Variants in SIRT7 observed in about 807,000 individuals in gnomAD.
The protein encoded by SIRT7 is NAD-dependent protein deacetylase sirtuin-7.
SIRT7 carries 32 observed loss-of-function variants against 42.8 expected under a neutral mutation model. The ratio of observed to expected loss-of-function variants is 0.75; its 90% CI spans 0.56 to 1.00. The LOEUF is 1.00. Among genes scored for constraint, SIRT7 ranks in the 50% least tolerant of loss-of-function variants. SIRT7 has a pLI of 0.00. For missense variants in SIRT7, 553 were observed against 572.2 expected, an observed-to-expected ratio of 0.97 and a Z score of 0.34; for synonymous variants, 297 against 245.2, an observed-to-expected ratio of 1.21 and a Z score of -1.97.
rs765183412 is a variant in SIRT7 at position 81,913,494 on chromosome 17, C to T, written c.1004+280G>A. 8 of 464,988 alleles carry T rather than the reference C, an allele frequency of 1.7e-5. No individual in the cohort carries two copies. Among genetic ancestry groups the T allele is most frequent in the Admixed American group, 3.3e-5 (1 of 30,542 alleles). 28.8% of individuals were successfully genotyped at this position (464,988 alleles called of 1,614,324 possible). A position where few individuals can be genotyped will look rare whatever the true frequency, so the allele number is the denominator to read the frequency against. ...TCCAGATGCTTCCCACCAGGCATCT[C>T]GGAGAGCTCCACGGGGAGGCCTGGA... On this transcript the variant is annotated intron_variant, in intron 9 of 9. Coordinates refer to ENST00000328666, the MANE Select transcript of SIRT7 (RefSeq NM_016538.3). The surrounding 1 kb of genome is among the most constrained non-coding windows in gnomAD (Gnocchi z 5.0).
Position 81,915,662 on chromosome 17 carries a change from T to C in SIRT7, c.356A>G (p.Tyr119Cys). Residue 119 changes from tyrosine to cysteine, a missense_variant, in exon 4 of 10, where the codon TAC (tyrosine) becomes TGC (cysteine). Physicochemically the swap from Tyr to Cys is radical, Grantham distance 194. Transcript: ENST00000328666. ...GISTAASIPD[Y>C]RGPNGVWTLL... The stretch of plus-strand genomic sequence containing the variant: ...TGTCCACACTCCATTAGGGCCCCGG[T>C]AGTCTGGGATAGACGCTGCCTGCAT... 6.2e-7 allele frequency: 1 copy of C among 1,613,876 alleles called. No homozygotes were observed. Among genetic ancestry groups the C allele is most frequent in the Non-Finnish European group, 8.5e-7 (1 of 1,179,978 alleles).
In SIRT7 at chr17:81,911,947, A is replaced by G. The variant is rs2040665155; in HGVS notation, c.*469T>C. On this transcript the variant is annotated 3_prime_UTR_variant, in exon 10 of 10. Transcript: ENST00000328666. ...ACTCGGGGACACCGGAAGCCAGTGC[A>G]GAAACGTTTAATAGAAATAAAAAGG... 5.8e-6 allele frequency: 1 copy of G among 172,214 alleles called. No homozygotes were observed. The highest frequency in any genetic ancestry group is 2.4e-5 in the African/African-American group (1 of 41,546). 10.7% of individuals were successfully genotyped at this position (172,214 alleles called of 1,614,324 possible).
At position 81,912,396 on chromosome 17, in the gene SIRT7, GTTC is replaced by G. The variant is rs749929943; in HGVS notation, c.*17_*19del. Reference sequence around the variant, plus strand: ...ACTGGCCATCTGCAAAGTGCCAACTGTTCTTCATCGAGCACGTGATTACGTCAC... The same window carrying G: ...ACTGGCCATCTGCAAAGTGCCAACTGTTCATCGAGCACGTGATTACGTCAC... On this transcript the variant is annotated 3_prime_UTR_variant, in exon 10 of 10. Coordinates refer to ENST00000328666, the MANE Select transcript of SIRT7 (RefSeq NM_016538.3). 2.7e-5 allele frequency: 44 copies of G among 1,613,958 alleles called. No homozygotes were observed. Among genetic ancestry groups the G allele is most frequent in the African/African-American group, 4.0e-5 (3 of 74,958 alleles).
chr17:81,917,938 C>T lies in SIRT7; in HGVS notation c.123G>A (p.Ala41=), dbSNP rs1028257894. 5.8e-6 allele frequency: 8 copies of T among 1,388,578 alleles called. No homozygotes were observed. The African/African-American group carries it at 9.0e-5, about 16-fold the overall frequency. 86.0% of individuals were successfully genotyped at this position (1,388,578 alleles called of 1,614,324 possible). ...QVSRILRKAA[A]ERSAEEGRLL... is the part of the protein sequence containing the mutation. The stretch of plus-strand genomic sequence containing the variant: ...GCCGGCCCTCCTCGGCGCTGCGCTC[C>T]GCCGCCGCCTTCCTCAGGATGCGCG... The change falls in exon 2 of 10, where the codon GCG becomes GCA. Residue 41 remains alanine, a synonymous_variant. Coordinates refer to ENST00000328666, the MANE Select transcript of SIRT7 (RefSeq NM_016538.3).
intron 3 of SIRT7, 176 bp from the exon 4 acceptor site, chr17:81,915,857 T>C: frequency 1.5e-6 from 1 of 680,626 alleles, no homozygotes; most frequent in Non-Finnish European, 2.6e-6. Flanking sequence ...GTACCCCAAT[T>C]CGGCTCCTCC....
rs1280185946 is a variant in SIRT7, at chr17:81,917,944, C to T, written c.117G>A (p.Ala39=). 1.4e-6 allele frequency: 2 copies of T among 1,382,654 alleles called. No individual in the cohort carries two copies. Among genetic ancestry groups the T allele is most frequent in the Non-Finnish European group, 1.9e-6 (2 of 1,070,296 alleles). 85.6% of individuals were successfully genotyped at this position (1,382,654 alleles called of 1,614,324 possible). Reference sequence around the variant, plus strand: ...CCTCCTCGGCGCTGCGCTCCGCCGCCGCCTTCCTCAGGATGCGCGACACCT... The same window carrying T: ...CCTCCTCGGCGCTGCGCTCCGCCGCTGCCTTCCTCAGGATGCGCGACACCT... ...LRQVSRILRK[A]AAERSAEEGR... is the part of the protein sequence containing the mutation. The change falls in exon 2 of 10, where the codon GCG becomes GCA. Residue 39 remains alanine (A), a synonymous_variant. Transcript: ENST00000328666.
Position 81,912,331 on chromosome 17 carries a change from C to T in SIRT7, c.*85G>A. On this transcript the variant is annotated 3_prime_UTR_variant, in exon 10 of 10. Transcript: ENST00000328666. Reference sequence around the variant, plus strand: ...AAATGTCATCCCCAAAGAGTTCGTTCTCCCTAGACCCGTGGGGGCAACCCA... The same window carrying T: ...AAATGTCATCCCCAAAGAGTTCGTTTTCCCTAGACCCGTGGGGGCAACCCA... 6.6e-7 allele frequency: 1 copy of T among 1,524,846 alleles called. No homozygotes were observed. The highest frequency in any genetic ancestry group is 9.1e-7 in the Non-Finnish European group (1 of 1,100,956). 94.5% of individuals were successfully genotyped at this position (1,524,846 alleles called of 1,614,324 possible). A position where few individuals can be genotyped will look rare whatever the true frequency, so the allele number is the denominator to read the frequency against.
chr17:81,917,675 CA>C lies in SIRT7; in HGVS notation c.275del (p.Leu92ArgfsTer49). On this transcript the variant is annotated frameshift_variant, in exon 3 of 10. Coordinates refer to ENST00000328666, the MANE Select transcript of SIRT7 (RefSeq NM_016538.3). LOFTEE classifies it high-confidence loss of function. ...ATTTGGCGTTCCGGACGGCGCTGGC[CA>C]GCTCCCGGACCTTCCCCCGCAGCTC... ...PEELRGKVRE[L>X]ASAVRNAKYL... 6.2e-7 allele frequency: 1 copy of C among 1,607,748 alleles called. No individual in the cohort carries two copies. The highest frequency in any genetic ancestry group is 1.1e-5 in the South Asian group (1 of 90,026).
At position 81,917,734 on chromosome 17, in the gene SIRT7, G is replaced by T; in HGVS notation, c.232-15C>A. On this transcript the variant is annotated splice_polypyrimidine_tract_variant and intron_variant, in intron 2 of 9. Transcript: ENST00000328666. ...TCGTCGCACACCTGCCAAGACGCCA[G>T]GGTGGTCACCGCCCCGGGCCGCCCC... 1 of 1,555,266 alleles carries T rather than the reference G, an allele frequency of 6.4e-7. No homozygotes were observed. Among genetic ancestry groups the T allele is most frequent in the Non-Finnish European group, 8.7e-7 (1 of 1,152,962 alleles).
chr17:81,912,697 G>A (rs772653671), intron 9 of SIRT7, 83 bp from the exon 10 acceptor site: 84 of 1,428,086 alleles, frequency 5.9e-5, no homozygotes, highest in Non-Finnish European at 7.4e-5. Flanking sequence ...AGCTGTCTGC[G>A]GTCCCTGCCT....
rs181753998 is a variant in SIRT7 at position 81,913,127 on chromosome 17, G to A, written c.1005-513C>T. 8.0e-6 allele frequency: 3 copies of A among 372,782 alleles called. No homozygotes were observed. The highest frequency in any genetic ancestry group is 7.3e-5 in the East Asian group (1 of 13,634). The allele number at this position is 372,782 out of a possible 1,614,324, so 23.1% of individuals were successfully genotyped here. On this transcript the variant is annotated intron_variant, in intron 9 of 9. Coordinates refer to ENST00000328666, the MANE Select transcript of SIRT7 (RefSeq NM_016538.3). This position sits in a 1 kb window ranked among gnomAD's most constrained non-coding sequence, Gnocchi z 5.0. ...TTAAGATACAGATACGCACTGATAA[G>A]GAAAATGAGCTAAGTTAATGTAAAA... is the stretch of plus-strand genomic sequence containing the variant.
rs1233178927 is a variant in SIRT7, at chr17:81,912,159, T to C, written c.*257A>G. 1 of 549,964 alleles carries C rather than the reference T, an allele frequency of 1.8e-6. No individual in the cohort carries two copies. The highest frequency in any genetic ancestry group is 3.3e-6 in the Non-Finnish European group (1 of 307,632). 34.1% of individuals were successfully genotyped at this position (549,964 alleles called of 1,614,324 possible). On this transcript the variant is annotated 3_prime_UTR_variant, in exon 10 of 10. Transcript: ENST00000328666. ...CAGGCCGGGGCTGAAATAACCCGAG[T>C]TCCGTTCTCACAGAAAGGTGCGGCT...
At position 81,912,625 on chromosome 17, in the gene SIRT7, G is replaced by A. The variant is rs982244545; in HGVS notation, c.1005-11C>T. ...ATGGGATCCTGCCACCTGCCAAAAA[G>A]GGAAAGCGGCATCAGGCGGGCCTGG... On this transcript the variant is annotated splice_polypyrimidine_tract_variant and intron_variant, in intron 9 of 9. Coordinates refer to ENST00000328666, the MANE Select transcript of SIRT7 (RefSeq NM_016538.3). The A allele has an allele frequency of 1.9e-6, 3 of 1,611,392 alleles. No homozygotes were observed. The highest frequency in any genetic ancestry group is 1.7e-5 in the Admixed American group (1 of 59,606).
intron 3 of SIRT7, 67 bp from the exon 4 acceptor site, chr17:81,915,748 G>A (rs1409793801): frequency 1.9e-5 from 30 of 1,550,616 alleles, no homozygotes; most frequent in Non-Finnish European, 2.5e-5. Context: ...AGAATTCCCA[G>A]AAACGGAAAG....
At chr17:81,917,994 G>A in intron 1 of SIRT7, 27 bp from the exon 2 acceptor site, 3 of 1,338,022 alleles carry the variant, frequency 2.2e-6, no homozygotes, top group South Asian at 2.0e-5. Flanking sequence ...GGTGAGCGGC[G>A]GCGCGGGCCG....
intron 5 of SIRT7, 120 bp from the exon 6 acceptor site, chr17:81,914,822 C>A (rs968458473): frequency 2.6e-6 from 2 of 760,490 alleles, no homozygotes; most frequent in African/African-American, 3.4e-5. Context: ...CCAGGGGCAG[C>A]TCCGTCCCCC....
In SIRT7 at chr17:81,912,121, C is replaced by T; in HGVS notation, c.*295G>A. The stretch of plus-strand genomic sequence containing the variant: ...TGGTGAGCGAGGAAAGGCCGCTGGG[C>T]GCTTCCACTCTGCAGGCCGGGGCTG... On this transcript the variant is annotated 3_prime_UTR_variant, in exon 10 of 10. Transcript: ENST00000328666. 2 of 477,046 alleles carry T rather than the reference C, an allele frequency of 4.2e-6. No individual in the cohort carries two copies. The highest frequency in any genetic ancestry group is 2.1e-5 in the South Asian group (1 of 46,720). The allele number at this position is 477,046 out of a possible 1,614,324, so 29.6% of individuals were successfully genotyped here.
Position 81,914,537 on chromosome 17 carries a change from G to A in SIRT7, c.580-7C>T, listed in dbSNP as rs773133676. 14 of 1,613,140 alleles carry A rather than the reference G, an allele frequency of 8.7e-6. No homozygotes were observed. The highest frequency in any genetic ancestry group is 1.2e-5 in the Non-Finnish European group (14 of 1,179,952). On this transcript the variant is annotated splice_region_variant and splice_polypyrimidine_tract_variant and intron_variant, in intron 6 of 9. Transcript: ENST00000328666. Reference sequence around the variant, plus strand: ...GAACGCAGGAGGTACAGACCTAGAGGCAAGAGGGCACAGTGAGTGGGACCC... The same window carrying A: ...GAACGCAGGAGGTACAGACCTAGAGACAAGAGGGCACAGTGAGTGGGACCC...
intron 5 of SIRT7, 54 bp from the exon 6 acceptor site, chr17:81,914,756 A>C: frequency 1.4e-6 from 2 of 1,460,608 alleles, no homozygotes; most frequent in South Asian, 2.3e-5. Context: ...GGTGGTGGGG[A>C]GGTCAGTACC....
Sources: gnomAD v4.1 joint callset for allele counts on GRCh38, gnomAD v4.1.1 for gene constraint, Gnocchi (gnomAD v3.1) non-coding constraint, MANE v1.5 for transcripts, NCBI Gene and HGNC (gene_info 2026-07-23, HGNC 2026-07-21) for gene names.